PCGF5: variants seen among roughly 807,000 people sequenced by gnomAD.
PCGF5 encodes polycomb group ring finger 5.
In PCGF5, 9 loss-of-function variants were observed where a neutral mutation model predicts 44.3. The ratio of observed to expected loss-of-function variants is 0.20; its 90% CI spans 0.12 to 0.35. The LOEUF (loss-of-function observed/expected upper bound fraction) is 0.35, where lower values mean the gene tolerates loss of function less well. PCGF5 is among the 10% of genes least tolerant of loss of function. The probability of loss-of-function intolerance (pLI) is 1.00; values close to 1 mark genes in which losing one functional copy is unlikely to be tolerated. For missense variants in PCGF5, 146 were observed against 305.3 expected (o/e 0.48, Z 3.89); for synonymous variants, 95 against 102.5 (o/e 0.93, Z 0.44).
intron 6 of PCGF5, among the ~76,000 whole-genome samples, chr10:91,252,463 G>C (rs181686887): frequency 3.9e-5 from 6 of 152,140 alleles, no homozygotes; most frequent in Admixed American, 3.3e-4. Flanking sequence ...ACAGTAGACA[G>C]TGAAGATGTA....
chr10:91,167,884 T>G (rs983829450), intron 1 of PCGF5, among the ~76,000 whole-genome samples: 1 of 152,178 alleles, frequency 6.6e-6, no homozygotes, highest in Admixed American at 6.5e-5. Context: ...TTGGGCAAGA[T>G]ACTATAGAAG....
At position 91,284,256 on chromosome 10, in the gene PCGF5, C is replaced by T. The variant is rs1344176061; in HGVS notation, c.*5940C>T. On this transcript the variant is annotated 3_prime_UTR_variant, in exon 10 of 10. Coordinates refer to ENST00000336126, the MANE Select transcript of PCGF5 (RefSeq NM_032373.5). ...ATCTTTGTTATTAAAAATTAAATTG[C>T]ATAATTTATTATTGTTTGTCATCTT... 6.6e-6 allele frequency: 1 copy of T among 152,236 alleles called. No individual in the cohort carries two copies. The allele number at this position is 152,236 out of a possible 1,614,324, so 9.4% of individuals were successfully genotyped here. A position where few individuals can be genotyped will look rare whatever the true frequency, so the allele number is the denominator to read the frequency against.
rs781690557 is a variant in PCGF5 at position 91,271,647 on chromosome 10, C to T, written c.673C>T (p.Leu225=). ...TTCATCTCCTCCGCAGTTTCGGTGT[C>T]TGAACTGCTCAGCTTCGCAAGTCTG... is the stretch of plus-strand genomic sequence containing the variant. The part of the protein sequence containing the change: ...WRLRGENFRC[L]NCSASQVCSQ... The change falls in exon 9 of 10, where the codon CTG becomes TTG. Residue 225 remains leucine, a synonymous_variant. Transcript: ENST00000336126. 6 of 1,613,718 alleles carry T rather than the reference C, an allele frequency of 3.7e-6. No individual in the cohort carries two copies. The highest frequency in any genetic ancestry group is 4.2e-6 in the Non-Finnish European group (5 of 1,179,862).
In PCGF5 at chr10:91,272,497, A is replaced by G. The variant is rs558212898; in HGVS notation, c.723+800A>G. Among the ~76,000 whole-genome samples, 36 of 152,212 alleles carry G rather than the reference A, an allele frequency of 2.4e-4. No individual in the cohort carries two copies. In the South Asian group the frequency reaches 7.3e-3, roughly 31 times the overall value. ...AAAAAAAATTATTTTTTTAGGCCAG[A>G]CACGGTGGCTCACCTCTGTAATCTC... On this transcript the variant is annotated intron_variant, in intron 9 of 9. Coordinates refer to ENST00000336126, the MANE Select transcript of PCGF5 (RefSeq NM_032373.5).
At chr10:91,268,540 A>G (rs1347978218) in intron 8 of PCGF5, among the ~76,000 whole-genome samples, 1 of 152,050 alleles carries the variant, frequency 6.6e-6, no homozygotes, top group East Asian at 1.9e-4. Context: ...TATTCTACAC[A>G]CTGTGAGTAG....
chr10:91,185,109 C>T (rs537320047), intron 1 of PCGF5, among the ~76,000 whole-genome samples: 1 of 152,344 alleles, frequency 6.6e-6, no homozygotes, highest in East Asian at 1.9e-4. Flanking sequence ...GAAGCTGGAA[C>T]AGCTAAGTCA....
chr10:91,259,115 G>C (rs73312452), intron 6 of PCGF5, among the ~76,000 whole-genome samples: 4,845 of 152,160 alleles, frequency 0.032, 261 homozygotes, highest in African/African-American at 0.1. Flanking sequence ...TGTCCCTTCT[G>C]GATTGGTTCT....
chr10:91,157,532 T>C, the PCGF5 span, among the ~76,000 whole-genome samples: 1 of 152,074 alleles, frequency 6.6e-6, no homozygotes, highest in African/African-American at 2.4e-5. Flanking sequence ...CCTATTGTAA[T>C]AACAGTTGTA....
intron 6 of PCGF5, 114 bp downstream of exon 6, chr10:91,251,554 A>T: frequency 2.0e-6 from 2 of 992,654 alleles, no homozygotes; most frequent in Non-Finnish European, 3.0e-6. Context: ...TTTAATTAAC[A>T]TAATTAAATA....
upstream of PCGF5, among the ~76,000 whole-genome samples, chr10:91,215,603 C>T (rs983961651): frequency 3.3e-5 from 5 of 152,250 alleles, no homozygotes; most frequent in Non-Finnish European, 7.3e-5. Context: ...ATCTCACCAC[C>T]CAGCCCTTCA....
rs944569276 is a variant in PCGF5 at position 91,281,913 on chromosome 10, G to A, written c.*3597G>A. 3.3e-5 allele frequency: 5 copies of A among 152,102 alleles called. No homozygotes were observed. Among genetic ancestry groups the A allele is most frequent in the East Asian group, 1.9e-4 (1 of 5,198 alleles). The allele number at this position is 152,102 out of a possible 1,614,324, so 9.4% of individuals were successfully genotyped here. A position where few individuals can be genotyped will look rare whatever the true frequency, so the allele number is the denominator to read the frequency against. Reference sequence around the variant, plus strand: ...TAAACACAACAAATAGCCTTCCTCTGCATGAAAAGTGAGAGAAATACATAC... The same window carrying A: ...TAAACACAACAAATAGCCTTCCTCTACATGAAAAGTGAGAGAAATACATAC... On this transcript the variant is annotated 3_prime_UTR_variant, in exon 10 of 10. Coordinates refer to ENST00000336126, the MANE Select transcript of PCGF5 (RefSeq NM_032373.5).
At chr10:91,241,032 G>T in intron 3 of PCGF5, among the ~76,000 whole-genome samples, 1 of 148,322 alleles carries the variant, frequency 6.7e-6, no homozygotes, top group Non-Finnish European at 1.5e-5. Flanking sequence ...CTCAACTTTA[G>T]CAGTATAATC....
At position 91,278,420 on chromosome 10, in the gene PCGF5, T is replaced by C. The variant is rs545201425; in HGVS notation, c.*104T>C. The C allele has an allele frequency of 9.7e-7, 1 of 1,029,110 alleles. No homozygotes were observed. Among genetic ancestry groups the C allele is most frequent in the South Asian group, 1.3e-5 (1 of 74,684 alleles). 63.7% of individuals were successfully genotyped at this position (1,029,110 alleles called of 1,614,324 possible). On this transcript the variant is annotated 3_prime_UTR_variant, in exon 10 of 10. Coordinates refer to ENST00000336126, the MANE Select transcript of PCGF5 (RefSeq NM_032373.5). ...GTGGACTAGAGGAACACAACCAGAT[T>C]TTCAGCATGCAAATAAGGCCATTGT...
At chr10:91,227,700 C>G (rs893181715) in intron 2 of PCGF5, 7 of 1,048,308 alleles carry the variant, frequency 6.7e-6, no homozygotes, top group Non-Finnish European at 8.1e-6. Flanking sequence ...AAAGGTATCC[C>G]GTTGACCTCA....
chr10:91,243,595 T>C (rs1290111584), intron 3 of PCGF5, among the ~76,000 whole-genome samples: 1 of 152,200 alleles, frequency 6.6e-6, no homozygotes, highest in Admixed American at 6.5e-5. Context: ...AGTCTGTATT[T>C]GTACTCTCCA....
At chr10:91,168,292 T>G (rs536083077) in intron 1 of PCGF5, among the ~76,000 whole-genome samples, 1 of 152,036 alleles carries the variant, frequency 6.6e-6, no homozygotes, top group Admixed American at 6.5e-5. Context: ...GACAGGATGC[T>G]GAGAAGAAAG....
At chr10:91,266,719 C>T (rs1846054774) in intron 8 of PCGF5, among the ~76,000 whole-genome samples, 1 of 152,152 alleles carries the variant, frequency 6.6e-6, no homozygotes, top group South Asian at 2.1e-4. Flanking sequence ...TTGGTAGCTC[C>T]ATTTTTCCAG....
At chr10:91,249,799 G>A (rs1318750780) in intron 5 of PCGF5, among the ~76,000 whole-genome samples, 1 of 151,870 alleles carries the variant, frequency 6.6e-6, no homozygotes, top group African/African-American at 2.4e-5. Context: ...CAAAAAAATG[G>A]CAAAGAAGCT....
At chr10:91,168,669 C>T (rs1281227120) in intron 1 of PCGF5, among the ~76,000 whole-genome samples, 1 of 152,070 alleles carries the variant, frequency 6.6e-6, no homozygotes, top group Non-Finnish European at 1.5e-5. Flanking sequence ...TGGCTCACAC[C>T]TGTAATCCCA....
Sources: gnomAD v4.1 joint callset for allele counts (sites outside exome capture counted in the v4.1 genomes callset) on GRCh38, gnomAD v4.1.1 for gene constraint, MANE v1.5 for transcripts, NCBI Gene and HGNC (gene_info 2026-07-23, HGNC 2026-07-21) for gene names.